ARHGAP26: variants seen among roughly 807,000 people sequenced by gnomAD.
ARHGAP26 encodes the protein rho GTPase-activating protein 26.
In ARHGAP26, 38 loss-of-function variants were observed where a neutral mutation model predicts 104.8. The observed-to-expected ratio is 0.36, with a 90% CI of 0.28 to 0.48. The LOEUF (loss-of-function observed/expected upper bound fraction) is 0.48. ARHGAP26 is among the 20% of genes least tolerant of loss of function. ARHGAP26 has a pLI of 0.99. For missense variants in ARHGAP26, 704 were observed against 947.9 expected (o/e 0.74, Z 3.38); for synonymous variants, 341 against 340.0 (o/e 1.00, Z -0.03).
Position 143,023,663 on chromosome 5 carries a change from C to T in ARHGAP26, c.1144+9547C>T, listed in dbSNP as rs910473871. On this transcript the variant is annotated intron_variant, in intron 12 of 22. Coordinates refer to ENST00000645722, the MANE Select transcript of ARHGAP26 (RefSeq NM_001135608.3). ...CAGAGGCTGCCAGGCCTCTGCTGGT[C>T]GGTGGCTTATAAATAGAACATTTCC... Among the ~76,000 whole-genome samples, 6 of 152,140 alleles carry T rather than the reference C, an allele frequency of 3.9e-5. No homozygotes were observed. In the East Asian group the frequency reaches 5.8e-4, roughly 15 times the overall value.
At chr5:143,018,965 A>G (rs905294401) in intron 12 of ARHGAP26, among the ~76,000 whole-genome samples, 6 of 152,144 alleles carry the variant, frequency 3.9e-5, no homozygotes, top group Non-Finnish European at 8.8e-5. Context: ...AAGGGTTTTG[A>G]ATGTCTTTCC....
intron 11 of ARHGAP26, among the ~76,000 whole-genome samples, chr5:142,990,071 C>T (rs1775367179): frequency 6.6e-6 from 1 of 152,128 alleles, no homozygotes; most frequent in Non-Finnish European, 1.5e-5. Flanking sequence ...TTCCATTCTC[C>T]CCATCACTTT....
At chr5:143,147,082 A>G in intron 19 of ARHGAP26, 149 bp from the exon 20 acceptor site, 1 of 1,000,986 alleles carries the variant, frequency 1.0e-6, no homozygotes, top group East Asian at 2.7e-5. Flanking sequence ...CCCACTTTTA[A>G]TTCTTAACCT....
intron 17 of ARHGAP26, among the ~76,000 whole-genome samples, chr5:143,095,770 A>G (rs1004890554): frequency 1.3e-5 from 2 of 152,062 alleles, no homozygotes; most frequent in African/African-American, 4.8e-5. Context: ...ATGGGGTTTC[A>G]CCATGTTGGC....
intron 1 of ARHGAP26, among the ~76,000 whole-genome samples, chr5:142,793,737 G>A (rs1307440230): frequency 2.0e-5 from 3 of 152,038 alleles, no homozygotes; most frequent in South Asian, 2.1e-4. Context: ...ACAGATGTGC[G>A]CCACCATGCC....
At chr5:143,116,622 A>G (rs1460808294) in intron 17 of ARHGAP26, among the ~76,000 whole-genome samples, 1 of 152,166 alleles carries the variant, frequency 6.6e-6, no homozygotes, top group Non-Finnish European at 1.5e-5. Flanking sequence ...AGGGTTGGCT[A>G]CTGCTATTCC....
chr5:142,868,451 A>G (rs1445304092), intron 1 of ARHGAP26, among the ~76,000 whole-genome samples: 1 of 152,238 alleles, frequency 6.6e-6, no homozygotes, highest in East Asian at 1.9e-4. Context: ...TTTGACGGAC[A>G]AAAGTGGATG....
intron 6 of ARHGAP26, among the ~76,000 whole-genome samples, chr5:142,898,770 G>A (rs1390569377): frequency 6.6e-6 from 1 of 152,222 alleles, no homozygotes; most frequent in East Asian, 1.9e-4. Context: ...AGGGAGTTAT[G>A]TGGCTTAGCC....
At chr5:142,833,240 T>C (rs1268874655) in intron 1 of ARHGAP26, among the ~76,000 whole-genome samples, 1 of 149,934 alleles carries the variant, frequency 6.7e-6, no homozygotes, top group African/African-American at 2.4e-5. Context: ...TTTTTTTTTT[T>C]AGTAGAGATG....
chr5:142,899,621 C>G (rs538263198), intron 6 of ARHGAP26, among the ~76,000 whole-genome samples: 2 of 152,236 alleles, frequency 1.3e-5, no homozygotes, highest in Non-Finnish European at 2.9e-5. Flanking sequence ...AGACAGCTCC[C>G]CCATCTCTGG....
At chr5:142,945,429 T>G (rs1415460224) in intron 11 of ARHGAP26, among the ~76,000 whole-genome samples, 2 of 152,226 alleles carry the variant, frequency 1.3e-5, no homozygotes, top group African/African-American at 2.4e-5. Flanking sequence ...CCTCCATTTT[T>G]GTGGCCTAGG....
At chr5:142,778,964 T>TTTTTATG (rs1756925895) in intron 1 of ARHGAP26, among the ~76,000 whole-genome samples, 1 of 142,898 alleles carries the variant, frequency 7.0e-6, no homozygotes, top group African/African-American at 2.8e-5. Context: ...AAACTTAGTG[T>TTTTTATG]GTGTGTATGT....
chr5:142,792,107 C>T (rs906645026), intron 1 of ARHGAP26, among the ~76,000 whole-genome samples: 2 of 152,146 alleles, frequency 1.3e-5, no homozygotes, highest in Non-Finnish European at 2.9e-5. Flanking sequence ...ATATTTCAGG[C>T]CTCTCATACA....
chr5:142,858,100 A>T (rs1361977185), intron 1 of ARHGAP26, among the ~76,000 whole-genome samples: 50 of 123,352 alleles, frequency 4.1e-4, no homozygotes, highest in African/African-American at 1.3e-3. Flanking sequence ...TGTGTGAGAG[A>T]GAGAGAGAGA....
At chr5:142,998,453 G>A (rs961354442) in intron 11 of ARHGAP26, among the ~76,000 whole-genome samples, 1 of 152,166 alleles carries the variant, frequency 6.6e-6, no homozygotes, top group African/African-American at 2.4e-5. Context: ...CTCTGGGGAG[G>A]GGACCCTACT....
At chr5:143,195,148 T>C (rs989808973) in intron 20 of ARHGAP26, among the ~76,000 whole-genome samples, 1 of 152,272 alleles carries the variant, frequency 6.6e-6, no homozygotes, top group African/African-American at 2.4e-5. Flanking sequence ...TTTCTCTCTC[T>C]GTCTCATCTG....
intron 17 of ARHGAP26, among the ~76,000 whole-genome samples, chr5:143,095,119 C>T (rs942616704): frequency 2.3e-4 from 34 of 150,900 alleles, no homozygotes; most frequent in African/African-American, 8.0e-4. Context: ...TACATATATA[C>T]ATTCATTTTA....
intron 11 of ARHGAP26, among the ~76,000 whole-genome samples, chr5:142,964,253 A>G (rs1770880551): frequency 6.6e-6 from 1 of 152,210 alleles, no homozygotes; most frequent in Admixed American, 6.5e-5. Flanking sequence ...GGCTTAATGC[A>G]GTTTCCCAAA....
intron 22 of ARHGAP26, among the ~76,000 whole-genome samples, chr5:143,217,085 C>T (rs1810452256): frequency 6.6e-6 from 1 of 152,004 alleles, no homozygotes; most frequent in South Asian, 2.1e-4. Flanking sequence ...GTGTAGTTGT[C>T]AGATTAAATG....
Sources: gnomAD v4.1 joint callset for allele counts (sites outside exome capture counted in the v4.1 genomes callset) on GRCh38, gnomAD v4.1.1 for gene constraint, MANE v1.5 for transcripts, NCBI Gene and HGNC (gene_info 2026-07-23, HGNC 2026-07-21) for gene names.